The following LRRTM4 variants were observed in gnomAD, a reference collection of about 807,000 sequenced individuals.
LRRTM4 encodes the protein leucine rich repeat transmembrane neuronal 4, also known as leucine-rich repeat transmembrane neuronal protein 4.
In LRRTM4, 25 loss-of-function variants were observed where a neutral mutation model predicts 47.6. The ratio of observed to expected loss-of-function variants is 0.53; its 90% confidence interval spans 0.38 to 0.73. The LOEUF (loss-of-function observed/expected upper bound fraction) is 0.73, where lower values mean the gene tolerates loss of function less well. Among genes scored for constraint, LRRTM4 ranks in the 30% least tolerant of loss-of-function variants. LRRTM4 has a pLI of 0.00. For missense variants in LRRTM4, 638 were observed against 713.4 expected (o/e 0.89, Z 1.20); for synonymous variants, 311 against 269.5 (o/e 1.15, Z -1.51).
At chr2:77,138,681 T>G (rs746518890) in intron 3 of LRRTM4, among the ~76,000 whole-genome samples, 9 of 151,948 alleles carry the variant, frequency 5.9e-5, no homozygotes, top group Non-Finnish European at 1.3e-4. Context: ...AATGAATCAA[T>G]GAGCTCGTTT....
intron 3 of LRRTM4, among the ~76,000 whole-genome samples, chr2:77,334,889 C>A (rs539692901): frequency 5.3e-5 from 8 of 152,238 alleles, no homozygotes; most frequent in African/African-American, 1.9e-4. Context: ...AGAAATAACT[C>A]TCTTGCATGT....
intron 3 of LRRTM4, among the ~76,000 whole-genome samples, chr2:77,040,845 T>C (rs1679005371): frequency 6.6e-6 from 1 of 151,548 alleles, no homozygotes; most frequent in Non-Finnish European, 1.5e-5. Flanking sequence ...GTAAAGTGTA[T>C]TGTTTTAATA....
chr2:77,280,478 C>T (rs1179626474), intron 3 of LRRTM4, among the ~76,000 whole-genome samples: 2 of 152,014 alleles, frequency 1.3e-5, no homozygotes, highest in Non-Finnish European at 2.9e-5. Context: ...AGAATATCTT[C>T]TATTACTTCA....
intron 3 of LRRTM4, among the ~76,000 whole-genome samples, chr2:76,783,109 A>T (rs974707601): frequency 6.6e-6 from 1 of 152,150 alleles, no homozygotes; most frequent in Non-Finnish European, 1.5e-5. Context: ...TTAGTTACAA[A>T]ATTATCAGAG....
intron 3 of LRRTM4, among the ~76,000 whole-genome samples, chr2:77,437,411 A>C (rs534979222): frequency 1.3e-5 from 2 of 152,140 alleles, no homozygotes; most frequent in East Asian, 3.9e-4. Context: ...TCTCAACCCC[A>C]CTGACTTTTT....
At chr2:76,974,530 A>G (rs1468667424) in intron 3 of LRRTM4, among the ~76,000 whole-genome samples, 1 of 151,092 alleles carries the variant, frequency 6.6e-6, no homozygotes, top group African/African-American at 2.4e-5. Flanking sequence ...ATACACACAT[A>G]TAGTGTATAT....
intron 3 of LRRTM4, among the ~76,000 whole-genome samples, chr2:77,234,408 A>T (rs891738936): frequency 1.3e-5 from 2 of 152,186 alleles, no homozygotes; most frequent in African/African-American, 4.8e-5. Flanking sequence ...ATAATCTGTG[A>T]CTACAGTTTG....
chr2:77,061,865 A>C (rs2103801723), intron 3 of LRRTM4, among the ~76,000 whole-genome samples: 1 of 152,302 alleles, frequency 6.6e-6, no homozygotes, highest in South Asian at 2.1e-4. Context: ...CTGATGAATA[A>C]ATTGAACCCA....
chr2:77,261,084 T>C (rs1415901727), intron 3 of LRRTM4, among the ~76,000 whole-genome samples: 4 of 152,044 alleles, frequency 2.6e-5, no homozygotes, highest in Non-Finnish European at 5.9e-5. Flanking sequence ...GTGGTGTTCA[T>C]AGTTCCTCTA....
chr2:77,098,483 C>A (rs76995413), intron 3 of LRRTM4, among the ~76,000 whole-genome samples: 13 of 152,038 alleles, frequency 8.6e-5, no homozygotes, highest in Non-Finnish European at 1.8e-4. Context: ...CTACCTCCTA[C>A]TAGAGACAAA....
intron 3 of LRRTM4, among the ~76,000 whole-genome samples, chr2:76,765,957 G>A (rs1293013163): frequency 6.6e-6 from 1 of 152,192 alleles, no homozygotes; most frequent in African/African-American, 2.4e-5. Flanking sequence ...TTGAAAGAGA[G>A]ATGAGTGAAA....
rs776641627 is a variant in LRRTM4 at position 77,518,392 on chromosome 2, A to C, written c.1477T>G (p.Ser493Ala). 4 of 1,612,906 alleles carry C rather than the reference A, an allele frequency of 2.5e-6. No individual in the cohort carries two copies. In the African/African-American group the frequency reaches 5.3e-5, roughly 22 times the overall value. Residue 493 changes from serine (S) to alanine (A), a missense_variant, in exon 3 of 4, where the codon TCT (serine) becomes GCT (alanine). By Grantham distance (99) the Ser-to-Ala change is moderately conservative. Transcript: ENST00000409884. ...EYYVDYKPTN[S>A]ETMDISVNGS... ...TTAACCGATATATCCATGGTCTCAG[A>C]GTTTGTAGGCTTGTAGTCCACATAA...
intron 2 of LRRTM4, among the ~76,000 whole-genome samples, chr2:77,521,146 A>T (rs558076763): frequency 6.6e-6 from 1 of 151,682 alleles, no homozygotes; most frequent in Non-Finnish European, 1.5e-5. Context: ...AAAGGGGGGG[A>T]AAAAAGCCAG....
chr2:76,839,549 C>T (rs577459991), intron 3 of LRRTM4, among the ~76,000 whole-genome samples: 1 of 151,966 alleles, frequency 6.6e-6, no homozygotes. Context: ...CATATCAAGC[C>T]AACCTGCTAG....
intron 3 of LRRTM4, among the ~76,000 whole-genome samples, chr2:77,378,735 A>T (rs1006080398): frequency 2.6e-5 from 4 of 152,208 alleles, no homozygotes; most frequent in Admixed American, 2.0e-4. Flanking sequence ...CCATGGCTAG[A>T]TATGTAAGAA....
At chr2:77,017,714 A>G (rs533525974) in intron 3 of LRRTM4, among the ~76,000 whole-genome samples, 30 of 152,300 alleles carry the variant, frequency 2.0e-4, no homozygotes, top group Middle Eastern at 3.4e-3. Flanking sequence ...TACGATATCT[A>G]AAAGAAAAAT....
At chr2:76,826,109 C>T (rs1350045925) in intron 3 of LRRTM4, among the ~76,000 whole-genome samples, 3 of 151,440 alleles carry the variant, frequency 2.0e-5, no homozygotes, top group Non-Finnish European at 4.4e-5. Flanking sequence ...TGTATATGAG[C>T]GAGTATTTTC....
At chr2:76,926,393 G>A (rs1447888387) in intron 3 of LRRTM4, among the ~76,000 whole-genome samples, 4 of 152,034 alleles carry the variant, frequency 2.6e-5, no homozygotes, top group African/African-American at 9.7e-5. Flanking sequence ...CATAATAAAT[G>A]GATTCTCTAG....
At chr2:77,379,485 C>G (rs115648017) in intron 3 of LRRTM4, among the ~76,000 whole-genome samples, 1 of 152,094 alleles carries the variant, frequency 6.6e-6, no homozygotes, top group Non-Finnish European at 1.5e-5. Flanking sequence ...CATGTTGTCG[C>G]TGTTCTTTAT....
Sources: gnomAD v4.1 joint callset for allele counts (sites outside exome capture counted in the v4.1 genomes callset) on GRCh38, gnomAD v4.1.1 for gene constraint, MANE v1.5 for transcripts, NCBI Gene and HGNC (gene_info 2026-07-23, HGNC 2026-07-21) for gene names.